The following FSTL5 variants were observed in gnomAD, a reference collection of about 807,000 sequenced individuals.
FSTL5 encodes the protein follistatin-related protein 5.
Under a neutral mutation model 89.1 loss-of-function variants are expected in FSTL5, and 62 were observed. That is an observed-to-expected ratio of 0.70 (90% CI 0.57 to 0.86). The LOEUF (loss-of-function observed/expected upper bound fraction) is 0.86. Among genes scored for constraint, FSTL5 ranks in the 40% least tolerant of loss-of-function variants. The probability of loss-of-function intolerance (pLI) is 0.00; values close to 1 mark genes in which losing one functional copy is unlikely to be tolerated. For synonymous variants in FSTL5, 383 were observed against 346.2 expected (o/e 1.11, Z -1.18); for missense variants, 1,057 against 1,001.6 (o/e 1.06, Z -0.75).
intron 1 of FSTL5, among the ~76,000 whole-genome samples, chr4:162,156,659 C>T (rs770467377): frequency 2.6e-5 from 4 of 152,032 alleles, no homozygotes; most frequent in Non-Finnish European, 5.9e-5. Flanking sequence ...ACCAAGTATC[C>T]CATGTTCTCA....
intron 12 of FSTL5, among the ~76,000 whole-genome samples, chr4:161,495,845 C>T (rs1203895696): frequency 6.6e-6 from 1 of 152,070 alleles, no homozygotes; most frequent in Non-Finnish European, 1.5e-5. Flanking sequence ...CTCATTTCCA[C>T]CACTGGTACT....
At chr4:161,513,053 G>C (rs1730700302) in intron 10 of FSTL5, among the ~76,000 whole-genome samples, 1 of 151,856 alleles carries the variant, frequency 6.6e-6, no homozygotes, top group South Asian at 2.1e-4. Flanking sequence ...AGCAGAGATT[G>C]TTTCTGCATT....
At chr4:161,728,427 C>G (rs1375121735) in intron 6 of FSTL5, among the ~76,000 whole-genome samples, 1 of 151,962 alleles carries the variant, frequency 6.6e-6, no homozygotes, top group Non-Finnish European at 1.5e-5. Context: ...AAGGGCTGTG[C>G]AAAGATTTGG....
intron 7 of FSTL5, among the ~76,000 whole-genome samples, chr4:161,588,046 C>A: frequency 6.6e-6 from 1 of 152,048 alleles, no homozygotes; most frequent in East Asian, 1.9e-4. Flanking sequence ...TGGTGGCACA[C>A]ACCTGTAGTC....
Position 161,656,356 on chromosome 4 carries a change from A to G in FSTL5, c.866T>C (p.Leu289Pro). Reference sequence around the variant, plus strand: ...GATGTCTTCCAAATCTAAATTATTTAGAATAATATTGTTCCTTTTCCAGAT... The same window carrying G: ...GATGTCTTCCAAATCTAAATTATTTGGAATAATATTGTTCCTTTTCCAGAT... Reference protein sequence around the residue: ...PIIWKRNNIILNNLDLEDIND... With the variant: ...PIIWKRNNIIPNNLDLEDIND... Residue 289 changes from leucine to proline, a missense_variant, in exon 7 of 16, where the codon CTA becomes CCA. Leu to Pro is a moderately conservative substitution (Grantham distance 98). This residue lies in a region of FSTL5 where 980 missense variants were observed against 903.2 expected (regional missense o/e 1.08). Transcript: ENST00000306100. The G allele has an allele frequency of 6.3e-7, 1 of 1,588,686 alleles. No homozygotes were observed. The highest frequency in any genetic ancestry group is 8.6e-7 in the Non-Finnish European group (1 of 1,162,074).
At chr4:162,026,220 C>A (rs1578959384) in intron 3 of FSTL5, among the ~76,000 whole-genome samples, 1 of 150,698 alleles carries the variant, frequency 6.6e-6, no homozygotes, top group Non-Finnish European at 1.5e-5. Flanking sequence ...AGAAATGAAG[C>A]CATCAAACAC....
intron 6 of FSTL5, among the ~76,000 whole-genome samples, chr4:161,721,803 CT>C (rs1414600800): frequency 6.6e-6 from 1 of 152,180 alleles, no homozygotes; most frequent in East Asian, 1.9e-4. Flanking sequence ...AACTACTTTA[CT>C]TAATAGAAAT....
At chr4:161,435,767 A>T (rs1732539332) in intron 15 of FSTL5, among the ~76,000 whole-genome samples, 2 of 151,678 alleles carry the variant, frequency 1.3e-5, no homozygotes, top group Non-Finnish European at 2.9e-5. Context: ...TTGTAAAAGG[A>T]GTTGAGTCTT....
chr4:161,868,013 G>C lies in FSTL5; in HGVS notation c.409+52391C>G, dbSNP rs188877462. ...AAAATGAGAGAAGCATGATACAAAT[G>C]TATCTACAGTATGCTCTCAACCACA... On this transcript the variant is annotated intron_variant, in intron 4 of 15. Coordinates refer to ENST00000306100, the MANE Select transcript of FSTL5 (RefSeq NM_020116.5). Among the ~76,000 whole-genome samples, 509 of 152,148 alleles carry C rather than the reference G, an allele frequency of 3.3e-3. 10 individuals carry two copies. In the South Asian group the frequency reaches 0.047, roughly 14 times the overall value.
intron 3 of FSTL5, among the ~76,000 whole-genome samples, chr4:161,962,580 T>C (rs1443373273): frequency 6.6e-6 from 1 of 151,898 alleles, no homozygotes; most frequent in African/African-American, 2.4e-5. Flanking sequence ...TGAGCCCGCA[T>C]TGCTCATTTG....
intron 7 of FSTL5, among the ~76,000 whole-genome samples, chr4:161,588,520 G>A (rs144479471): frequency 2.0e-5 from 3 of 152,052 alleles, no homozygotes; most frequent in East Asian, 3.9e-4. Flanking sequence ...AACTTGCACC[G>A]TTAAAATCAA....
At chr4:161,565,442 G>T (rs1176369524) in intron 8 of FSTL5, among the ~76,000 whole-genome samples, 1 of 151,620 alleles carries the variant, frequency 6.6e-6, no homozygotes, top group Non-Finnish European at 1.5e-5. Context: ...AATGCTAGTT[G>T]CATTAACACA....
chr4:161,504,221 C>A (rs1730397290), intron 11 of FSTL5, among the ~76,000 whole-genome samples: 1 of 151,796 alleles, frequency 6.6e-6, no homozygotes. Context: ...TTTCTATTTC[C>A]ATTTCTAATA....
intron 3 of FSTL5, among the ~76,000 whole-genome samples, chr4:161,945,616 G>A (rs1447049577): frequency 6.6e-6 from 1 of 152,150 alleles, no homozygotes; most frequent in Non-Finnish European, 1.5e-5. Context: ...GCCGGGCGTA[G>A]TGGCATGCAC....
intron 3 of FSTL5, among the ~76,000 whole-genome samples, chr4:161,940,146 CTG>C (rs1436421646): frequency 6.6e-6 from 1 of 151,666 alleles, no homozygotes; most frequent in African/African-American, 2.4e-5. Context: ...TTTTCAATAA[CTG>C]AGAATTATTT....
intron 15 of FSTL5, among the ~76,000 whole-genome samples, chr4:161,417,623 C>T (rs927518866): frequency 2.0e-5 from 3 of 152,182 alleles, no homozygotes; most frequent in African/African-American, 7.2e-5. Context: ...AGGTTACCTG[C>T]CTTCAAATCC....
chr4:161,422,821 C>T (rs1446979299), intron 15 of FSTL5, among the ~76,000 whole-genome samples: 4 of 151,322 alleles, frequency 2.6e-5, no homozygotes, highest in Non-Finnish European at 5.9e-5. Context: ...AAGAAGTCAG[C>T]GTTGCTTTGG....
chr4:161,977,052 T>C (rs1237894240), intron 3 of FSTL5, among the ~76,000 whole-genome samples: 1 of 152,136 alleles, frequency 6.6e-6, no homozygotes, highest in Non-Finnish European at 1.5e-5. Context: ...ATCACTGATA[T>C]TGTACAAATA....
At chr4:161,439,276 C>T (rs1052525735) in intron 15 of FSTL5, among the ~76,000 whole-genome samples, 11 of 152,112 alleles carry the variant, frequency 7.2e-5, no homozygotes, top group Non-Finnish European at 1.2e-4. Flanking sequence ...GCTATGTAAA[C>T]GAAGGGAAGG....
Sources: gnomAD v4.1 joint callset for allele counts (sites outside exome capture counted in the v4.1 genomes callset) on GRCh38, gnomAD v4.1.1 for gene constraint, gnomAD v4.1.1 regional missense constraint, MANE v1.5 for transcripts, NCBI Gene and HGNC (gene_info 2026-07-23, HGNC 2026-07-21) for gene names.